Variants in PITPNM1 observed in about 807,000 individuals in gnomAD.
PITPNM1 encodes phosphatidylinositol transfer protein membrane associated 1, also known as membrane-associated phosphatidylinositol transfer protein 1.
Under a neutral mutation model 133.3 loss-of-function variants are expected in PITPNM1, and 74 were observed. That is an observed-to-expected ratio of 0.56 (90% CI 0.46 to 0.67). PITPNM1 has a LOEUF of 0.67. Among genes scored for constraint, PITPNM1 ranks in the 30% least tolerant of loss-of-function variants. PITPNM1 has a pLI of 0.00. For missense variants in PITPNM1, 1,398 were observed against 1,739.5 expected (o/e 0.80, Z 3.49); for synonymous variants, 738 against 741.4 (o/e 1.00, Z 0.08).
intron 5 of PITPNM1, 25 bp from the exon 6 acceptor site, chr11:67,500,446 T>G (rs765788421): frequency 6.9e-6 from 11 of 1,587,704 alleles, no homozygotes. Context: ...GCGTCAGAAC[T>G]GCCCCCTCCC....
Position 67,502,040 on chromosome 11 carries a change from T to C in PITPNM1, c.462A>G (p.Lys154=). 6.2e-7 allele frequency: 1 copy of C among 1,613,352 alleles called. No homozygotes were observed. The highest frequency in any genetic ancestry group is 8.5e-7 in the Non-Finnish European group (1 of 1,180,020). Residue 154 remains lysine, a synonymous_variant, in exon 5 of 24, where the codon AAA becomes AAG. Coordinates refer to ENST00000356404, the MANE Select transcript of PITPNM1 (RefSeq NM_004910.3). The surrounding 1 kb of genome is among the most constrained non-coding windows in gnomAD (Gnocchi z 5.9). ...GATAAAGCCGGGGGTCCTCTTCTGC[T>C]TTGTACTCGCCTGGGGCCACTGCAT... ...VRDAVAPGEY[K]AEEDPRLYHS...
chr11:67,501,997 G>A lies in PITPNM1; in HGVS notation c.505C>T (p.Arg169Ter). The A allele has an allele frequency of 6.2e-7, 1 of 1,613,460 alleles. No homozygotes were observed. The highest frequency in any genetic ancestry group is 8.5e-7 in the Non-Finnish European group (1 of 1,180,008). ...GCCCAGTCATCAGACAGTGGCCCTCGGCCCGTCTTGACCGAGTGATAAAGC... is the reference window on the plus strand; with the variant it reads ...GCCCAGTCATCAGACAGTGGCCCTCAGCCCGTCTTGACCGAGTGATAAAGC... The part of the protein sequence containing the change: ...PRLYHSVKTG[R>*]GPLSDDWART... The change falls in exon 5 of 24, where the codon CGA becomes TGA. Residue 169 changes from arginine (R) to a stop codon, truncating the protein, a stop_gained. Coordinates refer to ENST00000356404, the MANE Select transcript of PITPNM1 (RefSeq NM_004910.3). LOFTEE classifies it high-confidence loss of function.
At position 67,502,334 on chromosome 11, in the gene PITPNM1, C is replaced by T. The variant is rs201913288; in HGVS notation, c.373G>A (p.Val125Ile). Residue 125 changes from valine to isoleucine, a missense_variant, in exon 4 of 24, where the codon GTC becomes ATC. By Grantham distance (29) the Val-to-Ile change is conservative. Coordinates refer to ENST00000356404, the MANE Select transcript of PITPNM1 (RefSeq NM_004910.3). The surrounding 1 kb of genome is among the most constrained non-coding windows in gnomAD (Gnocchi z 5.9). ...YLPDGGQQPN[V>I]FNLSGAERRQ... ...CTCTCGGCCCCGCTCAGGTTGAAGA[C>T]GTTTGGCTGCTGCCCCCCATCAGGC... 91 of 1,613,686 alleles carry T rather than the reference C, an allele frequency of 5.6e-5. No individual in the cohort carries two copies. The Middle Eastern group carries it at 8.2e-4, about 15-fold the overall frequency.
In PITPNM1 at chr11:67,502,574, C is replaced by A; in HGVS notation, c.223G>T (p.Ala75Ser). The A allele has an allele frequency of 6.2e-7, 1 of 1,613,668 alleles. No individual in the cohort carries two copies. The highest frequency in any genetic ancestry group is 8.5e-7 in the Non-Finnish European group (1 of 1,180,016). Residue 75 changes from alanine to serine, a missense_variant, in exon 3 of 24, where the codon GCA becomes TCA. Ala to Ser is a moderately conservative substitution (Grantham distance 99). Coordinates refer to ENST00000356404, the MANE Select transcript of PITPNM1 (RefSeq NM_004910.3). The surrounding 1 kb of genome is among the most constrained non-coding windows in gnomAD (Gnocchi z 5.9). ...VGSHIPGWFR[A>S]LLPKAALQVE... ...TGCAGGGCAGCCTTGGGCAGCAGTGCCCGGAACCAGCCTGGGATGTGGGAG... is the reference window on the plus strand; with the variant it reads ...TGCAGGGCAGCCTTGGGCAGCAGTGACCGGAACCAGCCTGGGATGTGGGAG...
At chr11:67,497,800 C>T in intron 12 of PITPNM1, 117 bp downstream of exon 12, 1 of 1,491,700 alleles carries the variant, frequency 6.7e-7, no homozygotes, top group South Asian at 1.2e-5. Flanking sequence ...AAGACATGAA[C>T]TGGCAGGGCA....
chr11:67,499,672 G>T, intron 8 of PITPNM1, 51 bp downstream of exon 8: 3 of 891,054 alleles, frequency 3.4e-6, no homozygotes, highest in Middle Eastern at 2.4e-4. Flanking sequence ...TTAAACTCAT[G>T]ACCTGCTGTA....
At position 67,497,954 on chromosome 11, in the gene PITPNM1, C is replaced by T; in HGVS notation, c.1745G>A (p.Gly582Asp). 1 of 1,611,160 alleles carries T rather than the reference C, an allele frequency of 6.2e-7. No homozygotes were observed. Among genetic ancestry groups the T allele is most frequent in the Non-Finnish European group, 8.5e-7 (1 of 1,179,972 alleles). ...FDALCHSANA[G>D]TGSRGSSRRG... ...GCGGCTGCTGCCCCGACTCCCGGTGCCCGCGTTAGCACTGTGGCAGAGTGC... is the reference window on the plus strand; with the variant it reads ...GCGGCTGCTGCCCCGACTCCCGGTGTCCGCGTTAGCACTGTGGCAGAGTGC... The change falls in exon 12 of 24, where the codon GGC becomes GAC. Residue 582 changes from glycine to aspartate, a missense_variant. Transcript: ENST00000356404.
rs1162862914 is a variant in PITPNM1, at chr11:67,493,884, C to T, written c.3008+38G>A. The stretch of plus-strand genomic sequence containing the variant: ...GTGAGTGGCGCGGGGCGAGGCCTGG[C>T]GGAGCCCTCCCGCAGAGGCCCGGCC... On this transcript the variant is annotated intron_variant, in intron 20 of 23. Transcript: ENST00000356404. The T allele has an allele frequency of 6.6e-6, 10 of 1,524,228 alleles. No individual in the cohort carries two copies. In the East Asian group the frequency reaches 2.1e-4, roughly 33 times the overall value. 94.4% of individuals were successfully genotyped at this position (1,524,228 alleles called of 1,614,324 possible).
In PITPNM1 at chr11:67,493,125, T is replaced by C. The variant is rs929008999; in HGVS notation, c.3343-63A>G. On this transcript the variant is annotated intron_variant, in intron 22 of 23. Transcript: ENST00000356404. ...GAGCCGTGCAGCTGGGGGCGGGGCC[T>C]GTTGGGCTTCCCCAGATTGTTCTGG... The C allele has an allele frequency of 2.5e-6, 4 of 1,592,860 alleles. No homozygotes were observed. The African/African-American group carries it at 5.4e-5, about 21-fold the overall frequency.
At position 67,496,300 on chromosome 11, in the gene PITPNM1, G is replaced by A. The variant is rs770744580; in HGVS notation, c.2195C>T (p.Ala732Val). The A allele has an allele frequency of 1.9e-5, 30 of 1,582,710 alleles. No homozygotes were observed. In the South Asian group the frequency reaches 2.9e-4, roughly 15 times the overall value. The change falls in exon 15 of 24, where the codon GCG becomes GTG. Residue 732 changes from alanine to valine, a missense_variant. Ala to Val is a moderately conservative substitution (Grantham distance 64). Transcript: ENST00000356404. ...GAGGCGTGAGGCGCAGGGGTCAGCCGCGTGGAAGAGGTTGTAGATCTGTTC... is the reference window on the plus strand; with the variant it reads ...GAGGCGTGAGGCGCAGGGGTCAGCCACGTGGAAGAGGTTGTAGATCTGTTC... ...ACEQIYNLFH[A>V]ADPCASRLEP...
Position 67,498,976 on chromosome 11 carries a change from G to A in PITPNM1, c.1197C>T (p.Gly399=). 1 of 1,612,492 alleles carries A rather than the reference G, an allele frequency of 6.2e-7. No homozygotes were observed. Among genetic ancestry groups the A allele is most frequent in the Non-Finnish European group, 8.5e-7 (1 of 1,179,580 alleles). Residue 399 remains glycine (G), a synonymous_variant, in exon 9 of 24, where the codon GGC becomes GGT. Transcript: ENST00000356404. This position sits in a 1 kb window ranked among gnomAD's most constrained non-coding sequence, Gnocchi z 5.7. ...TPEPGAEAAK[G]IEDGAQAPRD... Reference sequence around the variant, plus strand: ...TGGGTGCTTGGGCCCCATCCTCAATGCCTTTAGCTGCCTCGGCTCCAGGCT... The same window carrying A: ...TGGGTGCTTGGGCCCCATCCTCAATACCTTTAGCTGCCTCGGCTCCAGGCT...
Position 67,494,833 on chromosome 11 carries a change from G to T in PITPNM1, c.2742+13C>A, listed in dbSNP as rs777553385. ...GGGCGAGTGGGCGAGGGGGCGAGGGGCAGGGCACCTACCCGGATCTTGACC... is the reference window on the plus strand; with the variant it reads ...GGGCGAGTGGGCGAGGGGGCGAGGGTCAGGGCACCTACCCGGATCTTGACC... On this transcript the variant is annotated intron_variant, in intron 18 of 23. Coordinates refer to ENST00000356404, the MANE Select transcript of PITPNM1 (RefSeq NM_004910.3). 6.3e-7 allele frequency: 1 copy of T among 1,597,260 alleles called. No homozygotes were observed. Among genetic ancestry groups the T allele is most frequent in the Non-Finnish European group, 8.6e-7 (1 of 1,166,520 alleles).
intron 14 of PITPNM1, 97 bp from the exon 15 acceptor site, chr11:67,496,445 G>A: frequency 8.9e-7 from 1 of 1,125,128 alleles, no homozygotes; most frequent in Non-Finnish European, 1.2e-6. Context: ...GATGTCTGGT[G>A]TGACCCCGAG....
intron 12 of PITPNM1, 84 bp from the exon 13 acceptor site, chr11:67,497,763 G>T: frequency 6.4e-7 from 1 of 1,563,918 alleles, no homozygotes; most frequent in South Asian, 1.1e-5. Flanking sequence ...GCGAGGCTTG[G>T]GGGTTGGGCA....
At position 67,498,909 on chromosome 11, in the gene PITPNM1, G is replaced by A. The variant is rs780645674; in HGVS notation, c.1233+31C>T. The A allele has an allele frequency of 6.2e-7, 1 of 1,611,762 alleles. No homozygotes were observed. Among genetic ancestry groups the A allele is most frequent in the Admixed American group, 1.7e-5 (1 of 59,938 alleles). On this transcript the variant is annotated intron_variant, in intron 9 of 23. Transcript: ENST00000356404. The surrounding 1 kb of genome is among the most constrained non-coding windows in gnomAD (Gnocchi z 5.7). Reference sequence around the variant, plus strand: ...GTGGCCGGGCCAGTGAGTAGGGGGAGCTTTGACATGGGGTGGCTGACCATA... The same window carrying A: ...GTGGCCGGGCCAGTGAGTAGGGGGAACTTTGACATGGGGTGGCTGACCATA...
rs1415939102 is a variant in PITPNM1 at position 67,493,369 on chromosome 11, G to A, written c.3342+41C>T. 2.2e-5 allele frequency: 34 copies of A among 1,513,336 alleles called. 1 individual carries two copies. Among genetic ancestry groups the A allele is most frequent in the Non-Finnish European group, 3.0e-5 (34 of 1,120,752 alleles). 93.7% of individuals were successfully genotyped at this position (1,513,336 alleles called of 1,614,324 possible). On this transcript the variant is annotated intron_variant, in intron 22 of 23. Transcript: ENST00000356404. ...CGGGGGTGGAGGGTAAGGGGGAGCG[G>A]GGGCGGGGTCAGGACCCGGAGCCTC...
In PITPNM1 at chr11:67,492,131, G is replaced by T; in HGVS notation, c.3637C>A (p.Pro1213Thr). Residue 1213 changes from proline to threonine, a missense_variant, in exon 24 of 24, where the codon CCC (proline) becomes ACC (threonine). Pro to Thr is a conservative substitution (Grantham distance 38). Transcript: ENST00000356404. Reference protein sequence around the residue: ...KQSQLLRSRGPSQAEREGPGT... With the variant: ...KQSQLLRSRGTSQAEREGPGT... ...GGGCCCTCACGCTCCGCCTGGCTGG[G>T]GCCCCTCGAGCGAAGCAGCTGGCTC... 6.2e-7 allele frequency: 1 copy of T among 1,611,952 alleles called. No individual in the cohort carries two copies. The highest frequency in any genetic ancestry group is 8.5e-7 in the Non-Finnish European group (1 of 1,179,828).
rs1283688513 is a variant in PITPNM1, at chr11:67,502,277, A to G, written c.415+15T>C. ...GAGAGGGGCGCCAGGGTCCCCCCAT[A>G]GCTCCAGGCCTCACCCAGGATGCGC... On this transcript the variant is annotated intron_variant, in intron 4 of 23. Coordinates refer to ENST00000356404, the MANE Select transcript of PITPNM1 (RefSeq NM_004910.3). This position sits in a 1 kb window ranked among gnomAD's most constrained non-coding sequence, Gnocchi z 5.9. 1.2e-6 allele frequency: 2 copies of G among 1,611,044 alleles called. No homozygotes were observed. The highest frequency in any genetic ancestry group is 1.3e-5 in the African/African-American group (1 of 75,006).
chr11:67,502,192 A>G lies in PITPNM1; in HGVS notation c.415+100T>C, dbSNP rs1474094983. The G allele has an allele frequency of 5.8e-6, 9 of 1,562,018 alleles. No homozygotes were observed. In the East Asian group the frequency reaches 1.3e-4, roughly 23 times the overall value. On this transcript the variant is annotated intron_variant, in intron 4 of 23. Transcript: ENST00000356404. This position sits in a 1 kb window ranked among gnomAD's most constrained non-coding sequence, Gnocchi z 5.9. Reference sequence around the variant, plus strand: ...GTTCCCGTCCTTTTGCAGACAGGACATGAGGCCTGGAGAGGGCTGGGACTT... The same window carrying G: ...GTTCCCGTCCTTTTGCAGACAGGACGTGAGGCCTGGAGAGGGCTGGGACTT...
Sources: gnomAD v4.1 joint callset for allele counts on GRCh38, gnomAD v4.1.1 for gene constraint, Gnocchi (gnomAD v3.1) non-coding constraint, MANE v1.5 for transcripts, NCBI Gene and HGNC (gene_info 2026-07-23, HGNC 2026-07-21) for gene names.